Variants in ZPBP observed in about 807,000 individuals in gnomAD.
The protein encoded by ZPBP is zona pellucida-binding protein 1.
ZPBP carries 26 observed loss-of-function variants against 44.8 expected under a neutral mutation model. The observed-to-expected ratio is 0.58, with a 90% confidence interval of 0.43 to 0.81. The LOEUF is 0.81. Among genes scored for constraint, ZPBP ranks in the 30% least tolerant of loss-of-function variants. The pLI, the probability that ZPBP is intolerant of heterozygous loss-of-function variation, is 0.00. For synonymous variants in ZPBP, 174 were observed against 153.2 expected (o/e 1.14, Z -1.00); for missense variants, 409 against 434.0 (o/e 0.94, Z 0.51).
At chr7:49,938,285 T>A (rs551557288) in intron 7 of ZPBP, among the ~76,000 whole-genome samples, 17 of 152,334 alleles carry the variant, frequency 1.1e-4, no homozygotes, top group African/African-American at 3.8e-4. Context: ...TTCTACCACT[T>A]GCTAAATGTG....
At chr7:49,847,290 G>A (rs950310539), downstream of ZPBP, among the ~76,000 whole-genome samples, 20 of 151,302 alleles carry the variant, frequency 1.3e-4, no homozygotes, top group Admixed American at 8.6e-4. Context: ...TATCATTTGC[G>A]ACTATTGACA....
At chr7:49,892,996 C>T (rs183343813) in intron 2 of ZPBP, among the ~76,000 whole-genome samples, 1 of 152,304 alleles carries the variant, frequency 6.6e-6, no homozygotes, top group African/African-American at 2.4e-5. Context: ...ATTTATTTGA[C>T]AGCGGGGACA....
chr7:49,923,603 A>G (rs970212794), intron 1 of ZPBP, among the ~76,000 whole-genome samples: 7 of 118,818 alleles, frequency 5.9e-5, no homozygotes, highest in African/African-American at 2.0e-4. Flanking sequence ...TGTGTTTTAA[A>G]TATGAAAACT....
intron 6 of ZPBP, among the ~76,000 whole-genome samples, chr7:50,000,294 G>A (rs1310371101): frequency 3.3e-5 from 5 of 152,034 alleles, no homozygotes; most frequent in South Asian, 2.1e-4. Context: ...GGAAATAGAC[G>A]TTGATCATTT....
chr7:49,994,874 A>G (rs1036875143), intron 6 of ZPBP, among the ~76,000 whole-genome samples: 1 of 152,164 alleles, frequency 6.6e-6, no homozygotes, highest in Admixed American at 6.6e-5. Flanking sequence ...CCTAGCAGCT[A>G]TCAGGTGACT....
chr7:50,068,092 T>C (rs1801624823), intron 3 of ZPBP, among the ~76,000 whole-genome samples: 1 of 152,160 alleles, frequency 6.6e-6, no homozygotes. Context: ...TAAAGCCTTC[T>C]CCTGGTTGGC....
chr7:49,957,506 G>C (rs1795661182), intron 7 of ZPBP, among the ~76,000 whole-genome samples: 1 of 152,160 alleles, frequency 6.6e-6, no homozygotes, highest in African/African-American at 2.4e-5. Flanking sequence ...CAGTCACCCA[G>C]GTGTTGCTGA....
chr7:49,857,009 C>CAAAAAAAAAAAAAA (rs59910243), intron 2 of ZPBP, among the ~76,000 whole-genome samples: 32 of 52,788 alleles, frequency 6.1e-4, no homozygotes, highest in Admixed American at 1.2e-3. Context: ...GATACTGTCT[C>CAAAAAAAAAAAAAA]AAAAAAAAAA....
intron 4 of ZPBP, among the ~76,000 whole-genome samples, chr7:50,043,951 T>C (rs1335437657): frequency 6.6e-6 from 1 of 152,106 alleles, no homozygotes; most frequent in Non-Finnish European, 1.5e-5. Flanking sequence ...GAATAGAAAT[T>C]GTAACAAATA....
intron 1 of ZPBP, among the ~76,000 whole-genome samples, chr7:49,922,428 C>G (rs1794063106): frequency 6.6e-6 from 1 of 152,126 alleles, no homozygotes; most frequent in Non-Finnish European, 1.5e-5. Context: ...TACGAACTTC[C>G]CATTCCGGAA....
intron 2 of ZPBP, among the ~76,000 whole-genome samples, chr7:49,894,451 C>T (rs747249674): frequency 6.6e-5 from 10 of 152,238 alleles, no homozygotes; most frequent in Non-Finnish European, 4.4e-5. Flanking sequence ...TCAACACAGT[C>T]TTCCTATGGC....
At chr7:49,905,516 G>A (rs113648829) in intron 1 of ZPBP, among the ~76,000 whole-genome samples, 6 of 152,346 alleles carry the variant, frequency 3.9e-5, no homozygotes, top group African/African-American at 1.2e-4. Flanking sequence ...ATTTTAATGT[G>A]AGGTAAACCT....
chr7:49,995,710 G>T (rs1346856283), intron 6 of ZPBP, among the ~76,000 whole-genome samples: 6 of 152,164 alleles, frequency 3.9e-5, no homozygotes, highest in Non-Finnish European at 8.8e-5. Context: ...ATGAAATCCT[G>T]TGATTTTCAA....
At chr7:50,018,870 G>A (rs551529942) in intron 5 of ZPBP, among the ~76,000 whole-genome samples, 1 of 152,020 alleles carries the variant, frequency 6.6e-6, no homozygotes, top group Non-Finnish European at 1.5e-5. Flanking sequence ...CCTACTGTGT[G>A]CCAGGAATTA....
At chr7:50,083,460 C>G (rs1293985426) in intron 2 of ZPBP, among the ~76,000 whole-genome samples, 1 of 151,910 alleles carries the variant, frequency 6.6e-6, no homozygotes, top group African/African-American at 2.4e-5. Context: ...AACACATAAG[C>G]AAAATCCCAG....
intron 4 of ZPBP, among the ~76,000 whole-genome samples, chr7:50,039,386 T>C (rs1477882097): frequency 2.0e-5 from 3 of 152,082 alleles, no homozygotes; most frequent in Admixed American, 6.6e-5. Flanking sequence ...ATTCAGAATT[T>C]AAAAATGTGA....
At chr7:49,925,741 C>A (rs1794212245) in intron 1 of ZPBP, among the ~76,000 whole-genome samples, 2 of 152,220 alleles carry the variant, frequency 1.3e-5, no homozygotes, top group South Asian at 2.1e-4. Flanking sequence ...TCCTTCCAGG[C>A]CCCTGGCTGC....
intron 1 of ZPBP, chr7:49,901,281 T>G (rs745645885): frequency 1.5e-4 from 23 of 151,772 alleles, no homozygotes; most frequent in Non-Finnish European, 2.8e-4. Context: ...AAAACTGTCT[T>G]TGTTTGCAGA....
intron 4 of ZPBP, among the ~76,000 whole-genome samples, chr7:50,045,083 T>C (rs982405033): frequency 1.3e-5 from 2 of 152,210 alleles, no homozygotes; most frequent in South Asian, 4.1e-4. Flanking sequence ...GAAAAGGTCT[T>C]TGATAAAATA....
Sources: allele counts gnomAD v4.1 joint callset (sites outside exome capture counted in the v4.1 genomes callset), GRCh38; gene constraint gnomAD v4.1.1; transcripts MANE v1.5; gene names NCBI Gene and HGNC (gene_info 2026-07-23, HGNC 2026-07-21).